The following PPP4R3A variants were observed in gnomAD, a reference collection of about 807,000 sequenced individuals.
PPP4R3A encodes the protein serine/threonine-protein phosphatase 4 regulatory subunit 3A.
A neutral mutation model predicts 91.7 loss-of-function variants in PPP4R3A; 15 were observed. That is an observed-to-expected ratio of 0.16 (90% CI 0.11 to 0.25). The LOEUF (loss-of-function observed/expected upper bound fraction) is 0.25, where lower values mean the gene tolerates loss of function less well. Ranked by LOEUF, PPP4R3A falls within the 10% of genes least tolerant of loss-of-function variation. PPP4R3A has a pLI of 1.00. For synonymous variants in PPP4R3A, 377 were observed against 348.7 expected, an observed-to-expected ratio of 1.08 and a Z score of -0.91; for missense variants, 623 against 998.4, an observed-to-expected ratio of 0.62 and a Z score of 5.07.
chr14:91,498,761 A>G (rs942862345), intron 1 of PPP4R3A, among the ~76,000 whole-genome samples: 17 of 151,180 alleles, frequency 1.1e-4, no homozygotes, highest in Non-Finnish European at 2.2e-4. Flanking sequence ...AAAAATACAA[A>G]AAATTAGCCA....
chr14:91,464,685 T>C (rs2064962), intron 11 of PPP4R3A, among the ~76,000 whole-genome samples: 75,263 of 151,992 alleles, frequency 0.5, 18,972 homozygotes, highest in Admixed American at 0.53. Context: ...TATTATGAAA[T>C]TGGTCTTTAG....
intron 10 of PPP4R3A, among the ~76,000 whole-genome samples, chr14:91,469,714 G>C (rs1171806811): frequency 6.6e-6 from 1 of 151,964 alleles, no homozygotes. Context: ...GACTATAGGC[G>C]TGCACCACCA....
intron 10 of PPP4R3A, among the ~76,000 whole-genome samples, chr14:91,466,637 T>C (rs539086556): frequency 6.6e-6 from 1 of 152,306 alleles, no homozygotes; most frequent in East Asian, 1.9e-4. Flanking sequence ...ACTGAATATT[T>C]TTAAAAACAT....
At chr14:91,504,084 C>G (rs1174670938) in intron 1 of PPP4R3A, among the ~76,000 whole-genome samples, 1 of 151,682 alleles carries the variant, frequency 6.6e-6, no homozygotes, top group Non-Finnish European at 1.5e-5. Context: ...TTGGACCAGG[C>G]ATGGTGGCTC....
intron 1 of PPP4R3A, among the ~76,000 whole-genome samples, chr14:91,506,400 T>C (rs955414401): frequency 6.6e-6 from 1 of 152,216 alleles, no homozygotes; most frequent in Non-Finnish European, 1.5e-5. Context: ...TAAGTCAATA[T>C]AAGTAAACTG....
intron 14 of PPP4R3A, among the ~76,000 whole-genome samples, chr14:91,460,214 G>GT (rs2140059757): frequency 6.6e-6 from 1 of 152,004 alleles, no homozygotes; most frequent in East Asian, 1.9e-4. Context: ...GGGTTTCACC[G>GT]TATTAGCCAG....
At chr14:91,468,745 T>C (rs1364923060) in intron 10 of PPP4R3A, among the ~76,000 whole-genome samples, 1 of 151,310 alleles carries the variant, frequency 6.6e-6, no homozygotes, top group Non-Finnish European at 1.5e-5. Context: ...ACTTTTTTTT[T>C]TTACCCAATT....
At chr14:91,479,310 GT>G (rs1889401611) in intron 4 of PPP4R3A, among the ~76,000 whole-genome samples, 1 of 151,504 alleles carries the variant, frequency 6.6e-6, no homozygotes. Context: ...GTGTGTGTGT[GT>G]GTGTGTGTGT....
At position 91,481,796 on chromosome 14, in the gene PPP4R3A, T is replaced by C. The variant is rs771187036; in HGVS notation, c.695A>G (p.Gln232Arg). ...GCLEYDPALS[Q>R]PRKHREFLTK... ...TAGAAATTCCCTGTGTTTTCGTGGTTGTGATAAAGCAGGATCATATTCTAA... is the reference window on the plus strand; with the variant it reads ...TAGAAATTCCCTGTGTTTTCGTGGTCGTGATAAAGCAGGATCATATTCTAA... The change falls in exon 4 of 15, where the codon CAA becomes CGA. Residue 232 changes from glutamine to arginine, a missense_variant. Transcript: ENST00000554943. The C allele has an allele frequency of 1.9e-6, 3 of 1,614,100 alleles. No homozygotes were observed. The highest frequency in any genetic ancestry group is 2.5e-6 in the Non-Finnish European group (3 of 1,180,008).
intron 4 of PPP4R3A, among the ~76,000 whole-genome samples, chr14:91,477,380 G>A (rs1460955411): frequency 6.6e-6 from 1 of 152,004 alleles, no homozygotes; most frequent in Non-Finnish European, 1.5e-5. Flanking sequence ...ACTTTCATAG[G>A]TTTTATAACC....
chr14:91,499,623 C>G (rs1409930625), intron 1 of PPP4R3A, among the ~76,000 whole-genome samples: 1 of 151,918 alleles, frequency 6.6e-6, no homozygotes, highest in Non-Finnish European at 1.5e-5. Context: ...GAGTTCAAGA[C>G]CAGCCTGGCC....
At chr14:91,469,878 A>G (rs982561741) in intron 10 of PPP4R3A, among the ~76,000 whole-genome samples, 3 of 151,548 alleles carry the variant, frequency 2.0e-5, no homozygotes, top group Non-Finnish European at 2.9e-5. Flanking sequence ...ATTTATTTAT[A>G]AATTTAAAAT....
chr14:91,468,735 ACT>A (rs1567147899), intron 10 of PPP4R3A, among the ~76,000 whole-genome samples: 1 of 106,730 alleles, frequency 9.4e-6, no homozygotes, highest in African/African-American at 3.6e-5. Context: ...CACATGCCAC[ACT>A]TTTTTTTTTT....
At chr14:91,499,034 G>A (rs946145452) in intron 1 of PPP4R3A, among the ~76,000 whole-genome samples, 6 of 151,682 alleles carry the variant, frequency 4.0e-5, no homozygotes, top group African/African-American at 1.2e-4. Flanking sequence ...ATCTGCCCCC[G>A]CCCTGGCCTC....
At chr14:91,480,814 T>C (rs751183626) in intron 4 of PPP4R3A, among the ~76,000 whole-genome samples, 12 of 152,184 alleles carry the variant, frequency 7.9e-5, no homozygotes, top group East Asian at 3.8e-4. Context: ...GGTGGGAGAA[T>C]TGCTTGAAGC....
Position 91,462,839 on chromosome 14 carries a change from A to G in PPP4R3A, c.1869T>C (p.Asn623=). 1.2e-6 allele frequency: 2 copies of G among 1,603,890 alleles called. No individual in the cohort carries two copies. Among genetic ancestry groups the G allele is most frequent in the South Asian group, 1.1e-5 (1 of 90,762 alleles). ...CTACATCTTCCAGTGCTTTCCAGTA[A>G]TTTTCAATTACATGAGCAGTTAATG... The part of the protein sequence containing the change: ...IKSLTAHVIE[N]YWKALEDVDY... Residue 623 remains asparagine, a synonymous_variant, in exon 12 of 15, where the codon AAT becomes AAC. Coordinates refer to ENST00000554943, the MANE Select transcript of PPP4R3A (RefSeq NM_001366432.2).
chr14:91,509,797 C>T lies in PPP4R3A; in HGVS notation c.-150G>A, dbSNP rs1891671915. 8.1e-7 allele frequency: 1 copy of T among 1,239,524 alleles called. No homozygotes were observed. Among genetic ancestry groups the T allele is most frequent in the East Asian group, 3.6e-5 (1 of 27,498 alleles). 76.8% of individuals were successfully genotyped at this position (1,239,524 alleles called of 1,614,324 possible). A position where few individuals can be genotyped will look rare whatever the true frequency, so the allele number is the denominator to read the frequency against. ...GCTGGGCGCCGCGGGGCCGCGCCGCCGCCTGCATGGCCCGCTCCAGGGACC... is the reference window on the plus strand; with the variant it reads ...GCTGGGCGCCGCGGGGCCGCGCCGCTGCCTGCATGGCCCGCTCCAGGGACC... On this transcript the variant is annotated 5_prime_UTR_variant, in exon 1 of 15. Coordinates refer to ENST00000554943, the MANE Select transcript of PPP4R3A (RefSeq NM_001366432.2).
intron 1 of PPP4R3A, among the ~76,000 whole-genome samples, chr14:91,495,698 A>AGGT (rs1890517503): frequency 2.0e-5 from 3 of 152,098 alleles, no homozygotes; most frequent in African/African-American, 7.2e-5. Flanking sequence ...TGTTAAAAAA[A>AGGT]AAACAAAAAA....
At chr14:91,484,188 C>A (rs1230384592) in intron 3 of PPP4R3A, among the ~76,000 whole-genome samples, 3 of 152,300 alleles carry the variant, frequency 2.0e-5, no homozygotes, top group South Asian at 4.1e-4. Flanking sequence ...TTAGTCCTTT[C>A]ATGTTTCAGA....
Sources: allele counts gnomAD v4.1 joint callset (sites outside exome capture counted in the v4.1 genomes callset), GRCh38; gene constraint gnomAD v4.1.1; transcripts MANE v1.5; gene names NCBI Gene and HGNC (gene_info 2026-07-23, HGNC 2026-07-21).